The following PKIG variants were observed in gnomAD, a reference collection of about 807,000 sequenced individuals.
The protein encoded by PKIG is cAMP-dependent protein kinase inhibitor gamma.
A neutral mutation model predicts 6.8 loss-of-function variants in PKIG; 1 was observed. That is an observed-to-expected ratio of 0.15 (90% CI 0.05 to 0.69). The LOEUF (loss-of-function observed/expected upper bound fraction) is 0.69, where lower values mean the gene tolerates loss of function less well. Ranked by LOEUF, PKIG falls within the 30% of genes least tolerant of loss-of-function variation. The pLI is 0.82. For missense variants in PKIG, 77 were observed against 104.0 expected, an observed-to-expected ratio of 0.74 and a Z score of 1.13; for synonymous variants, 39 against 43.0, an observed-to-expected ratio of 0.91 and a Z score of 0.36.
Position 44,618,461 on chromosome 20 carries a change from A to G in PKIG, c.*97A>G, listed in dbSNP as rs2065291415. 7 of 854,670 alleles carry G rather than the reference A, an allele frequency of 8.2e-6. No individual in the cohort carries two copies. In the Admixed American group the frequency reaches 1.1e-4, roughly 13 times the overall value. 52.9% of individuals were successfully genotyped at this position (854,670 alleles called of 1,614,324 possible). ...CCCAGCAGCCTCTTCTCTGAGCTCC[A>G]TGTCCCAGATAAACCAGGCCAGACT... On this transcript the variant is annotated 3_prime_UTR_variant, in exon 4 of 4. Transcript: ENST00000372886.
intron 1 of PKIG, among the ~76,000 whole-genome samples, chr20:44,569,706 A>C (rs1169105883): frequency 6.6e-6 from 1 of 152,120 alleles, no homozygotes; most frequent in East Asian, 1.9e-4. Context: ...TCCCGAGTTC[A>C]AGAGATTCTC....
chr20:44,547,578 G>A (rs2064626883), intron 1 of PKIG, among the ~76,000 whole-genome samples: 1 of 152,182 alleles, frequency 6.6e-6, no homozygotes, highest in South Asian at 2.1e-4. Flanking sequence ...CACACATGGT[G>A]AGTACAGCCT....
chr20:44,572,285 C>T (rs1305978224), intron 1 of PKIG, among the ~76,000 whole-genome samples: 4 of 152,188 alleles, frequency 2.6e-5, no homozygotes, highest in South Asian at 2.1e-4. Context: ...GGATTACAGG[C>T]GTGAGCCACC....
intron 2 of PKIG, chr20:44,598,708 A>C (rs2065095116): frequency 6.6e-6 from 1 of 152,178 alleles, no homozygotes; most frequent in African/African-American, 2.4e-5. Context: ...CCTGGGGAGG[A>C]CCCAGCATGC....
chr20:44,574,000 A>T (rs1340453638), intron 1 of PKIG, among the ~76,000 whole-genome samples: 3 of 152,202 alleles, frequency 2.0e-5, no homozygotes, highest in African/African-American at 7.2e-5. Flanking sequence ...CTGAGTCTAG[A>T]AAGGCATCTG....
At chr20:44,538,902 T>C (rs938013407) in intron 1 of PKIG, among the ~76,000 whole-genome samples, 1 of 152,082 alleles carries the variant, frequency 6.6e-6, no homozygotes, top group South Asian at 2.1e-4. Flanking sequence ...GAAATACAGA[T>C]GTGTGTCAGT....
chr20:44,548,854 C>CCACA (rs11469110), intron 1 of PKIG, among the ~76,000 whole-genome samples: 1,398 of 135,628 alleles, frequency 0.01, 11 homozygotes, highest in African/African-American at 0.022. Context: ...ACTCCTCCCA[C>CCACA]CACACACACA....
chr20:44,588,202 G>A (rs2065005945), intron 1 of PKIG, among the ~76,000 whole-genome samples: 1 of 152,214 alleles, frequency 6.6e-6, no homozygotes, highest in Non-Finnish European at 1.5e-5. Flanking sequence ...TGGGCAAGGT[G>A]ATAGGTGGAT....
At chr20:44,598,632 A>G (rs1381129402) in intron 2 of PKIG, 1 of 151,970 alleles carries the variant, frequency 6.6e-6, no homozygotes, top group Non-Finnish European at 1.5e-5. Flanking sequence ...AGAGACTGCC[A>G]CTCTCTGGGA....
At chr20:44,567,379 C>T (rs1312766821) in intron 1 of PKIG, among the ~76,000 whole-genome samples, 2 of 152,270 alleles carry the variant, frequency 1.3e-5, no homozygotes, top group Non-Finnish European at 2.9e-5. Flanking sequence ...CTCAGGAGCT[C>T]AGAGGCTGCT....
intron 1 of PKIG, among the ~76,000 whole-genome samples, chr20:44,536,865 A>G (rs183752380): frequency 9.2e-5 from 14 of 152,308 alleles, no homozygotes; most frequent in Non-Finnish European, 2.1e-4. Context: ...ACACATATCT[A>G]TTATTCTAAA....
At chr20:44,533,947 A>C (rs2064490127) in intron 1 of PKIG, among the ~76,000 whole-genome samples, 1 of 152,162 alleles carries the variant, frequency 6.6e-6, no homozygotes, top group African/African-American at 2.4e-5. Context: ...CATTGAGCAG[A>C]TTTGGTGAAA....
chr20:44,614,846 G>A lies in PKIG; in HGVS notation c.151+139G>A. On this transcript the variant is annotated intron_variant, in intron 3 of 3. Coordinates refer to ENST00000372886, the MANE Select transcript of PKIG (RefSeq NM_001281445.2). This position sits in a 1 kb window ranked among gnomAD's most constrained non-coding sequence, Gnocchi z 4.6. ...AAGTCAGGCCTGCCCCATGGTCAGT[G>A]GCAGAGTCCAGCAATCTCTAGGTTG... 1.2e-6 allele frequency: 1 copy of A among 825,086 alleles called. No homozygotes were observed. The highest frequency in any genetic ancestry group is 1.8e-5 in the South Asian group (1 of 56,488). The allele number at this position is 825,086 out of a possible 1,614,324, so 51.1% of individuals were successfully genotyped here. A position where few individuals can be genotyped will look rare whatever the true frequency, so the allele number is the denominator to read the frequency against.
At chr20:44,610,529 C>T (rs1021144720) in intron 2 of PKIG, among the ~76,000 whole-genome samples, 1 of 150,970 alleles carries the variant, frequency 6.6e-6, no homozygotes, top group South Asian at 2.1e-4. Flanking sequence ...CACACACACA[C>T]CTGCAGCACT....
At chr20:44,577,501 G>A (rs1359055263) in intron 1 of PKIG, among the ~76,000 whole-genome samples, 1 of 152,098 alleles carries the variant, frequency 6.6e-6, no homozygotes, top group Non-Finnish European at 1.5e-5. Flanking sequence ...GTGGTGAGAC[G>A]ATGTATTGTT....
chr20:44,613,764 T>C (rs1452156182), intron 2 of PKIG, among the ~76,000 whole-genome samples: 1 of 152,214 alleles, frequency 6.6e-6, no homozygotes, highest in Non-Finnish European at 1.5e-5. Flanking sequence ...CCAGCACTGC[T>C]GTGCCCGGCC....
At chr20:44,556,424 G>A (rs1194016647) in intron 1 of PKIG, among the ~76,000 whole-genome samples, 2 of 152,134 alleles carry the variant, frequency 1.3e-5, no homozygotes, top group East Asian at 1.9e-4. Context: ...ATGCAGTGGC[G>A]CGATCTCGGC....
At chr20:44,557,520 CAAAA>C (rs3091847) in intron 1 of PKIG, among the ~76,000 whole-genome samples, 9 of 63,536 alleles carry the variant, frequency 1.4e-4, no homozygotes, top group East Asian at 5.2e-4. Flanking sequence ...TGACAGGTGA[CAAAA>C]AAAAAAAAAA....
chr20:44,574,452 A>C (rs1052412797), intron 1 of PKIG, among the ~76,000 whole-genome samples: 39 of 152,092 alleles, frequency 2.6e-4, no homozygotes, highest in Admixed American at 7.2e-4. Context: ...AAAATCAAAA[A>C]CCCATGACCA....
Sources: allele counts gnomAD v4.1 joint callset (sites outside exome capture counted in the v4.1 genomes callset), GRCh38; gene constraint gnomAD v4.1.1; non-coding constraint Gnocchi (gnomAD v3.1); transcripts MANE v1.5; gene names NCBI Gene and HGNC (gene_info 2026-07-23, HGNC 2026-07-21).